The following TPRG1 variants were observed in gnomAD, a reference collection of about 807,000 sequenced individuals.
TPRG1 encodes the protein tumor protein p63-regulated gene 1 protein.
A neutral mutation model predicts 29.3 loss-of-function variants in TPRG1; 29 were observed. The observed-to-expected ratio is 0.99, with a 90% confidence interval of 0.74 to 1.35. TPRG1 has a LOEUF of 1.35. TPRG1 is among the 40% of genes most tolerant of loss of function. The pLI is 0.00. For missense variants in TPRG1, 327 were observed against 335.0 expected (o/e 0.98, Z 0.19); for synonymous variants, 130 against 116.8 (o/e 1.11, Z -0.73).
chr3:189,132,731 T>A (rs962910372), intron 3 of TPRG1: 1 of 152,220 alleles, frequency 6.6e-6, no homozygotes, highest in Non-Finnish European at 1.5e-5. Context: ...GTCTGGAGAA[T>A]CAGCTACTCA....
chr3:189,050,258 T>C (rs1009478978), intron 4 of TPRG1, among the ~76,000 whole-genome samples: 2 of 152,098 alleles, frequency 1.3e-5, no homozygotes, highest in South Asian at 2.1e-4. Flanking sequence ...GGAGATATTA[T>C]AGCTGACACC....
At chr3:189,266,217 G>T (rs540834961) in intron 4 of TPRG1, among the ~76,000 whole-genome samples, 55 of 152,298 alleles carry the variant, frequency 3.6e-4, no homozygotes, top group African/African-American at 1.3e-3. Flanking sequence ...TGCCAAACTG[G>T]TGACTGCCAT....
intron 1 of TPRG1, among the ~76,000 whole-genome samples, chr3:189,177,965 C>T (rs1729716040): frequency 6.6e-6 from 1 of 152,050 alleles, no homozygotes. Context: ...GTGGTGTGTC[C>T]TGGGAGTCAG....
At chr3:189,157,085 T>A (rs950343532) in intron 5 of TPRG1, among the ~76,000 whole-genome samples, 10 of 152,328 alleles carry the variant, frequency 6.6e-5, no homozygotes, top group Admixed American at 2.6e-4. Flanking sequence ...TGTCACTCTC[T>A]CTTTTTGAGC....
chr3:189,235,936 G>A (rs1739391456), intron 3 of TPRG1, among the ~76,000 whole-genome samples: 1 of 152,154 alleles, frequency 6.6e-6, no homozygotes, highest in Admixed American at 6.5e-5. Flanking sequence ...CAAGGACCTT[G>A]TAAACCTTTC....
intron 4 of TPRG1, among the ~76,000 whole-genome samples, chr3:189,052,004 ATTGGAAAAACTC>A (rs1483257382): frequency 6.6e-6 from 1 of 152,204 alleles, no homozygotes; most frequent in Non-Finnish European, 1.5e-5. Flanking sequence ...AGAAGATAAC[ATTGGAAAAACTC>A]TTCTAGACAT....
At chr3:189,114,879 G>GA (rs1720988910) in intron 1 of TPRG1, among the ~76,000 whole-genome samples, 3 of 152,326 alleles carry the variant, frequency 2.0e-5, no homozygotes, top group Non-Finnish European at 4.4e-5. Context: ...GCAAGACTCA[G>GA]AAAATCTCAA....
At chr3:189,241,583 G>A (rs1286327497) in intron 4 of TPRG1, among the ~76,000 whole-genome samples, 2 of 151,682 alleles carry the variant, frequency 1.3e-5, no homozygotes, top group East Asian at 3.9e-4. Flanking sequence ...TATTTTTCAT[G>A]ACCTTTAGTT....
chr3:189,043,393 C>T (rs1714754568), intron 4 of TPRG1, among the ~76,000 whole-genome samples: 1 of 152,186 alleles, frequency 6.6e-6, no homozygotes, highest in Non-Finnish European at 1.5e-5. Context: ...TCTGTGACCT[C>T]GTGCAAGATG....
intron 3 of TPRG1, among the ~76,000 whole-genome samples, chr3:189,012,329 G>A (rs1259858046): frequency 6.6e-6 from 1 of 152,020 alleles, no homozygotes; most frequent in Non-Finnish European, 1.5e-5. Flanking sequence ...TTTATTGAGA[G>A]TTTTTAAATG....
At chr3:189,250,315 ACT>A (rs1037110606) in intron 4 of TPRG1, among the ~76,000 whole-genome samples, 4 of 152,114 alleles carry the variant, frequency 2.6e-5, no homozygotes, top group African/African-American at 9.7e-5. Flanking sequence ...ATATTAAAGT[ACT>A]GCCAGAGGAA....
chr3:189,269,174 T>G (rs1714656448), intron 4 of TPRG1, among the ~76,000 whole-genome samples: 1 of 150,440 alleles, frequency 6.6e-6, no homozygotes, highest in South Asian at 2.1e-4. Flanking sequence ...AGGCAAAACA[T>G]AAGCAGAAAA....
chr3:189,281,554 G>A (rs1412275379), intron 4 of TPRG1, among the ~76,000 whole-genome samples: 1 of 152,092 alleles, frequency 6.6e-6, no homozygotes, highest in Non-Finnish European at 1.5e-5. Flanking sequence ...GTGTGTGTGT[G>A]CACGTGAGTG....
intron 4 of TPRG1, among the ~76,000 whole-genome samples, chr3:189,054,703 G>C (rs1560417007): frequency 2.0e-5 from 3 of 151,932 alleles, no homozygotes; most frequent in African/African-American, 4.8e-5. Flanking sequence ...GATCACTTGA[G>C]CCCAGGGTAG....
chr3:189,249,927 T>C (rs1375990194), intron 4 of TPRG1, among the ~76,000 whole-genome samples: 2 of 152,216 alleles, frequency 1.3e-5, no homozygotes, highest in South Asian at 2.1e-4. Flanking sequence ...GCTTCCAGTT[T>C]ATGTGCCATC....
At chr3:189,209,156 G>T (rs554547663) in intron 2 of TPRG1, among the ~76,000 whole-genome samples, 2 of 152,120 alleles carry the variant, frequency 1.3e-5, no homozygotes, top group Non-Finnish European at 2.9e-5. Context: ...CACTTAACTA[G>T]CCCAGGGAGA....
In TPRG1 at chr3:189,227,361, G is replaced by A. The variant is rs772623966; in HGVS notation, c.303-11372G>A. The stretch of plus-strand genomic sequence containing the variant: ...CACCTTTCCTACCAGAGTTCCTGGA[G>A]GGGGAAGCAGGACTGCTGTACAGGG... On this transcript the variant is annotated intron_variant, in intron 3 of 5. Coordinates refer to ENST00000345063, the MANE Select transcript of TPRG1 (RefSeq NM_198485.4). Among the ~76,000 whole-genome samples, 24 of 152,172 alleles carry A rather than the reference G, an allele frequency of 1.6e-4. 1 individual carries two copies. The highest frequency in any genetic ancestry group is 3.4e-4 in the Non-Finnish European group (23 of 68,032).
intron 1 of TPRG1, among the ~76,000 whole-genome samples, chr3:189,190,770 T>G (rs569556245): frequency 2.0e-5 from 3 of 152,200 alleles, no homozygotes; most frequent in African/African-American, 4.8e-5. Context: ...ACAACATACA[T>G]GTACATTTAA....
chr3:189,077,295 A>C (rs1057249842), intron 4 of TPRG1, among the ~76,000 whole-genome samples: 12 of 152,160 alleles, frequency 7.9e-5, no homozygotes, highest in Non-Finnish European at 1.3e-4. Context: ...ACTTTTACAC[A>C]TAACAACGTG....
Sources: allele counts gnomAD v4.1 joint callset (sites outside exome capture counted in the v4.1 genomes callset), GRCh38; gene constraint gnomAD v4.1.1; transcripts MANE v1.5; gene names NCBI Gene and HGNC (gene_info 2026-07-23, HGNC 2026-07-21).